SIRT3: variants seen among roughly 807,000 people sequenced by gnomAD.
SIRT3 encodes the protein sirtuin 3.
Under a neutral mutation model 33.5 loss-of-function variants are expected in SIRT3, and 26 were observed. That is an observed-to-expected ratio of 0.78 (90% CI 0.57 to 1.08). SIRT3 has a LOEUF of 1.08. Ranked by LOEUF, SIRT3 falls within the 50% of genes least tolerant of loss-of-function variation. The pLI is 0.00. For synonymous variants in SIRT3, 237 were observed against 222.1 expected, an observed-to-expected ratio of 1.07 and a Z score of -0.60; for missense variants, 585 against 530.1, an observed-to-expected ratio of 1.10 and a Z score of -1.02.
intron 5 of SIRT3, chr11:222,965 CAAACTATAT>C (rs1564807581): frequency 6.6e-6 from 1 of 152,278 alleles, no homozygotes; most frequent in African/African-American, 2.4e-5. Flanking sequence ...CATCTCCTAA[CAAACTATAT>C]AACTTCTTAC....
chr11:218,001 C>T (rs1855893830), intron 6 of SIRT3, among the ~76,000 whole-genome samples: 1 of 152,204 alleles, frequency 6.6e-6, no homozygotes, highest in African/African-American at 2.4e-5. Context: ...CTCTTGCCTG[C>T]CACCTTGTAA....
upstream of SIRT3, chr11:236,454 C>T: frequency 6.7e-6 from 4 of 597,202 alleles, no homozygotes; most frequent in Non-Finnish European, 8.4e-6. Context: ...GCCCCCGGCG[C>T]CCCGGTCCCG....
chr11:236,766 A>G, upstream of SIRT3: 1 of 510,064 alleles, frequency 2.0e-6, no homozygotes, highest in Non-Finnish European at 3.5e-6. Flanking sequence ...CTGACACCAC[A>G]AAGCTAGTCC....
chr11:236,746 G>A, upstream of SIRT3: 1 of 470,722 alleles, frequency 2.1e-6, no homozygotes, highest in Non-Finnish European at 3.8e-6. Flanking sequence ...GCAATTCCGG[G>A]TCACAAAGGC....
chr11:228,154 A>G (rs548215721), intron 4 of SIRT3, among the ~76,000 whole-genome samples: 25 of 152,276 alleles, frequency 1.6e-4, no homozygotes, highest in African/African-American at 2.4e-5. Flanking sequence ...TGTCCAGTAC[A>G]TATTTATAGT....
intron 4 of SIRT3, among the ~76,000 whole-genome samples, chr11:226,897 G>C (rs1462193332): frequency 1.3e-5 from 2 of 150,642 alleles, no homozygotes; most frequent in Non-Finnish European, 3.0e-5. Context: ...GAGATTATAG[G>C]CATGCACCAT....
upstream of SIRT3, chr11:236,517 G>A (rs573936348): frequency 1.1e-5 from 2 of 190,384 alleles, no homozygotes; most frequent in Admixed American, 6.5e-5. Context: ...CGCCCAGGTA[G>A]ACGTAGAGGC....
In SIRT3 at chr11:216,359, C is replaced by T. The variant is rs201499887; in HGVS notation, c.*339G>A. 5.9e-5 allele frequency: 16 copies of T among 272,510 alleles called. No homozygotes were observed. Among genetic ancestry groups the T allele is most frequent in the Non-Finnish European group, 9.7e-5 (14 of 143,622 alleles). The allele number at this position is 272,510 out of a possible 1,614,324, so 16.9% of individuals were successfully genotyped here. A position where few individuals can be genotyped will look rare whatever the true frequency, so the allele number is the denominator to read the frequency against. On this transcript the variant is annotated 3_prime_UTR_variant, in exon 7 of 7. Coordinates refer to ENST00000382743, the MANE Select transcript of SIRT3 (RefSeq NM_012239.6). ...TTCAACTAGGCACAGAAAGCAGACT[C>T]GGTCTGGGATTCCAGTTGGTCTGAT... is the stretch of plus-strand genomic sequence containing the variant.
rs1432957519 is a variant in SIRT3 at position 236,253 on chromosome 11, C to T, written c.76G>A (p.Gly26Arg). ...GRVVERVEAGGGVGPFQACGC... is the reference protein window; with the variant it reads ...GRVVERVEAGRGVGPFQACGC... The stretch of plus-strand genomic sequence containing the variant: ...CAGGCCTGAAACGGCCCCACGCCTC[C>T]CCCGGCCTCGACCCGTTCAACTACC... Residue 26 changes from glycine to arginine, a missense_variant, in exon 1 of 7, where the codon GGA (glycine) becomes AGA (arginine). Physicochemically the swap from Gly to Arg is moderately radical, Grantham distance 125. Transcript: ENST00000382743. The T allele has an allele frequency of 6.5e-7, 1 of 1,547,834 alleles. No individual in the cohort carries two copies. Among genetic ancestry groups the T allele is most frequent in the East Asian group, 2.4e-5 (1 of 41,072 alleles).
Position 223,669 on chromosome 11 carries a change from C to T in SIRT3, c.969+409G>A. 3.3e-6 allele frequency: 2 copies of T among 608,466 alleles called. No individual in the cohort carries two copies. The highest frequency in any genetic ancestry group is 6.0e-6 in the Non-Finnish European group (2 of 331,698). The allele number at this position is 608,466 out of a possible 1,614,324, so 37.7% of individuals were successfully genotyped here. On this transcript the variant is annotated intron_variant, in intron 5 of 6. Coordinates refer to ENST00000382743, the MANE Select transcript of SIRT3 (RefSeq NM_012239.6). The surrounding 1 kb of genome is among the most constrained non-coding windows in gnomAD (Gnocchi z 4.8). The stretch of plus-strand genomic sequence containing the variant: ...CGTGGTGCCCCACCCACACCTATAC[C>T]ACCTCCAAAGCCCAGCAGCTTCCCA...
At chr11:228,227 A>G (rs970224587) in intron 4 of SIRT3, among the ~76,000 whole-genome samples, 2 of 149,748 alleles carry the variant, frequency 1.3e-5, no homozygotes, top group African/African-American at 4.8e-5. Context: ...ATTTCTATTC[A>G]CATCCACAGA....
Position 215,525 on chromosome 11 carries a change from C to T in SIRT3, c.*1173G>A, listed in dbSNP as rs1407006803. 6.6e-6 allele frequency: 1 copy of T among 152,176 alleles called. No homozygotes were observed. The highest frequency in any genetic ancestry group is 1.9e-4 in the East Asian group (1 of 5,196). The allele number at this position is 152,176 out of a possible 1,614,324, so 9.4% of individuals were successfully genotyped here. On this transcript the variant is annotated 3_prime_UTR_variant, in exon 7 of 7. Coordinates refer to ENST00000382743, the MANE Select transcript of SIRT3 (RefSeq NM_012239.6). ...TTATTAAGGCGCAAAGTCACAGGAC[C>T]CCCTTCCTGGGAGTCACTGTCATTA... is the stretch of plus-strand genomic sequence containing the variant.
chr11:219,715 G>A (rs1214654545), intron 5 of SIRT3, among the ~76,000 whole-genome samples: 1 of 151,950 alleles, frequency 6.6e-6, no homozygotes, highest in Non-Finnish European at 1.5e-5. Context: ...AAATTCAAAT[G>A]GATTAAAGGT....
At chr11:216,756 T>C (rs1475582092) in intron 6 of SIRT3, 38 bp from the exon 7 acceptor site, 1 of 1,613,138 alleles carries the variant, frequency 6.2e-7, no homozygotes, top group Admixed American at 1.7e-5. Flanking sequence ...GCTATCTGTT[T>C]ACACACCCAG....
At chr11:225,500 G>A (rs1323967017) in intron 4 of SIRT3, among the ~76,000 whole-genome samples, 1 of 152,056 alleles carries the variant, frequency 6.6e-6, no homozygotes, top group Non-Finnish European at 1.5e-5. Context: ...TAGCAGACTT[G>A]AAAAATAACC....
rs763719880 is a variant in SIRT3 at position 230,442 on chromosome 11, G to A, written c.807+10C>T. The stretch of plus-strand genomic sequence containing the variant: ...ACTGCAGAAGGACAACCAACAGCAG[G>A]ATAACTCACCCGAATGTCCTCCCCT... On this transcript the variant is annotated intron_variant, in intron 4 of 6. Transcript: ENST00000382743. The A allele has an allele frequency of 7.0e-7, 1 of 1,426,228 alleles. No individual in the cohort carries two copies. 88.3% of individuals were successfully genotyped at this position (1,426,228 alleles called of 1,614,324 possible). A position where few individuals can be genotyped will look rare whatever the true frequency, so the allele number is the denominator to read the frequency against.
intron 6 of SIRT3, 81 bp downstream of exon 6, chr11:218,750 AC>A: frequency 6.2e-7 from 1 of 1,602,592 alleles, no homozygotes; most frequent in Non-Finnish European, 8.5e-7. Context: ...GTGTTAACCA[AC>A]GGGGCTCCAT....
chr11:221,070 T>C (rs11246004), intron 5 of SIRT3, among the ~76,000 whole-genome samples: 70 of 142,062 alleles, frequency 4.9e-4, no homozygotes, highest in East Asian at 1.1e-3. Context: ...GGATATTCAC[T>C]ACAGCATTTA....
intron 4 of SIRT3, among the ~76,000 whole-genome samples, chr11:226,309 T>A (rs1046339471): frequency 7.9e-5 from 12 of 152,204 alleles, no homozygotes; most frequent in Non-Finnish European, 1.2e-4. Flanking sequence ...TGACCTCCTC[T>A]CCTGCTACGG....
Sources: allele counts gnomAD v4.1 joint callset (sites outside exome capture counted in the v4.1 genomes callset), GRCh38; gene constraint gnomAD v4.1.1; non-coding constraint Gnocchi (gnomAD v3.1); transcripts MANE v1.5; gene names NCBI Gene and HGNC (gene_info 2026-07-23, HGNC 2026-07-21).